The following MFSD6 variants were observed in gnomAD, a reference collection of about 807,000 sequenced individuals.
MFSD6 encodes major facilitator superfamily domain containing 6.
A neutral mutation model predicts 56.3 loss-of-function variants in MFSD6; 26 were observed. That is an observed-to-expected ratio of 0.46 (90% CI 0.34 to 0.64). The LOEUF is 0.64. Ranked by LOEUF, MFSD6 falls within the 30% of genes least tolerant of loss-of-function variation. The pLI is 0.01. For missense variants in MFSD6, 750 were observed against 986.2 expected, an observed-to-expected ratio of 0.76 and a Z score of 3.21; for synonymous variants, 331 against 366.9, an observed-to-expected ratio of 0.90 and a Z score of 1.12.
In MFSD6 at chr2:190,438,758, A is replaced by C. The variant is rs1056474054; in HGVS notation, c.1532+1197A>C. ...TGTATTTAAATCTGCTATTTCTATAAGAAATTAAAGAGGAGAAATAGACAA... is the reference window on the plus strand; with the variant it reads ...TGTATTTAAATCTGCTATTTCTATACGAAATTAAAGAGGAGAAATAGACAA... On this transcript the variant is annotated intron_variant, in intron 3 of 7. Coordinates refer to ENST00000392328, the MANE Select transcript of MFSD6 (RefSeq NM_017694.4). This position sits in a 1 kb window ranked among gnomAD's most constrained non-coding sequence, Gnocchi z 5.2. Among the ~76,000 whole-genome samples the C allele has an allele frequency of 6.6e-6, 1 of 152,254 alleles. No individual in the cohort carries two copies. The highest frequency in any genetic ancestry group is 1.5e-5 in the Non-Finnish European group (1 of 68,046).
At position 190,417,826 on chromosome 2, in the gene MFSD6, C is replaced by G. The variant is rs1690841403; in HGVS notation, c.-54+2413C>G. On this transcript the variant is annotated intron_variant, in intron 2 of 7. Coordinates refer to ENST00000392328, the MANE Select transcript of MFSD6 (RefSeq NM_017694.4). The surrounding 1 kb of genome is among the most constrained non-coding windows in gnomAD (Gnocchi z 5.7). Reference sequence around the variant, plus strand: ...TTAAGCCCCTCGTTTTCTTGACAACCCCTGTCTGAAGTATGGACACCCTAC... The same window carrying G: ...TTAAGCCCCTCGTTTTCTTGACAACGCCTGTCTGAAGTATGGACACCCTAC... Among the ~76,000 whole-genome samples the G allele has an allele frequency of 6.6e-6, 1 of 152,068 alleles. No individual in the cohort carries two copies. Among genetic ancestry groups the G allele is most frequent in the Admixed American group, 6.6e-5 (1 of 15,266 alleles).
In MFSD6 at chr2:190,439,793, T is replaced by C. The variant is rs757062814; in HGVS notation, c.1532+2232T>C. The stretch of plus-strand genomic sequence containing the variant: ...TGTGGTCATTTACCTGTTTTGAATT[T>C]TCATTCTGTCCATTAAAATGTATTA... On this transcript the variant is annotated intron_variant, in intron 3 of 7. Coordinates refer to ENST00000392328, the MANE Select transcript of MFSD6 (RefSeq NM_017694.4). This position sits in a 1 kb window ranked among gnomAD's most constrained non-coding sequence, Gnocchi z 5.8. Among the ~76,000 whole-genome samples, 25 of 152,366 alleles carry C rather than the reference T, an allele frequency of 1.6e-4. No homozygotes were observed. The highest frequency in any genetic ancestry group is 2.9e-4 in the Non-Finnish European group (20 of 68,038).
Position 190,497,337 on chromosome 2 carries a change from G to A in MFSD6, c.1892-102G>A. 7.6e-7 allele frequency: 1 copy of A among 1,315,116 alleles called. No individual in the cohort carries two copies. The highest frequency in any genetic ancestry group is 1.0e-6 in the Non-Finnish European group (1 of 961,982). The allele number at this position is 1,315,116 out of a possible 1,614,324, so 81.5% of individuals were successfully genotyped here. A position where few individuals can be genotyped will look rare whatever the true frequency, so the allele number is the denominator to read the frequency against. ...ATTTATTAATATTATCAAGCACTCTGGAATGGGTATATGGGATTCTTGGTT... is the reference window on the plus strand; with the variant it reads ...ATTTATTAATATTATCAAGCACTCTAGAATGGGTATATGGGATTCTTGGTT... On this transcript the variant is annotated intron_variant, in intron 6 of 7. Coordinates refer to ENST00000392328, the MANE Select transcript of MFSD6 (RefSeq NM_017694.4). This position sits in a 1 kb window ranked among gnomAD's most constrained non-coding sequence, Gnocchi z 5.2.
Position 190,497,478 on chromosome 2 carries a change from G to A in MFSD6, c.1931G>A (p.Ser644Asn). ...MLAERIPVPS[S>N]PVPIATIDLV... is the part of the protein sequence containing the mutation. ...GCAGAAAGAATTCCTGTTCCCTCCA[G>A]TCCCGTTCCTATAGCAACCATCGAC... The change falls in exon 7 of 8, where the codon AGT becomes AAT. Residue 644 changes from serine (S) to asparagine (N), a missense_variant. By Grantham distance (46) the Ser-to-Asn change is conservative (BLOSUM62 1). Transcript: ENST00000392328. The surrounding 1 kb of genome is among the most constrained non-coding windows in gnomAD (Gnocchi z 5.2). 6.2e-7 allele frequency: 1 copy of A among 1,614,126 alleles called. No individual in the cohort carries two copies. Among genetic ancestry groups the A allele is most frequent in the Non-Finnish European group, 8.5e-7 (1 of 1,180,016 alleles).
chr2:190,476,619 A>T (rs992660785), intron 4 of MFSD6, among the ~76,000 whole-genome samples: 1 of 152,118 alleles, frequency 6.6e-6, no homozygotes, highest in Non-Finnish European at 1.5e-5. Context: ...CTGTAAACTA[A>T]TTCAACCATT....
rs1206414670 is a variant in MFSD6, at chr2:190,413,170, A to C, written c.-175-2122A>C. Among the ~76,000 whole-genome samples the C allele has an allele frequency of 6.6e-6, 1 of 152,106 alleles. No homozygotes were observed. Among genetic ancestry groups the C allele is most frequent in the African/African-American group, 2.4e-5 (1 of 41,414 alleles). ...AAGTAGCCTCTCCCTGCCTTGATCC[A>C]TTATGATGTAAATCTAGCTGAGCCA... On this transcript the variant is annotated intron_variant, in intron 1 of 7. Transcript: ENST00000392328. The surrounding 1 kb of genome is among the most constrained non-coding windows in gnomAD (Gnocchi z 4.1).
rs1687392266 is a variant in MFSD6, at chr2:190,462,726, G to T, written c.1533-7032G>T. On this transcript the variant is annotated intron_variant, in intron 3 of 7. Coordinates refer to ENST00000392328, the MANE Select transcript of MFSD6 (RefSeq NM_017694.4). This position sits in a 1 kb window ranked among gnomAD's most constrained non-coding sequence, Gnocchi z 5.7. ...AAGGGATGATTCCTTTCAACAGTGG[G>T]ACTCTCAAAATCAGAGGTACCAGTG... 1.3e-5 allele frequency among the ~76,000 whole-genome samples: 2 copies of T among 152,152 alleles called. No homozygotes were observed. The highest frequency in any genetic ancestry group is 4.1e-4 in the South Asian group (2 of 4,822).
At position 190,416,347 on chromosome 2, in the gene MFSD6, G is replaced by A. The variant is rs1690774380; in HGVS notation, c.-54+934G>A. Reference sequence around the variant, plus strand: ...CCCTGTTAGCAAGTTGAAAGGAAATGTTAGAGAGGATTTCAGGTCCTTTCT... The same window carrying A: ...CCCTGTTAGCAAGTTGAAAGGAAATATTAGAGAGGATTTCAGGTCCTTTCT... On this transcript the variant is annotated intron_variant, in intron 2 of 7. Coordinates refer to ENST00000392328, the MANE Select transcript of MFSD6 (RefSeq NM_017694.4). This position sits in a 1 kb window ranked among gnomAD's most constrained non-coding sequence, Gnocchi z 4.1. Among the ~76,000 whole-genome samples the A allele has an allele frequency of 6.6e-6, 1 of 152,162 alleles. No individual in the cohort carries two copies. Among genetic ancestry groups the A allele is most frequent in the African/African-American group, 2.4e-5 (1 of 41,422 alleles).
At position 190,458,340 on chromosome 2, in the gene MFSD6, A is replaced by G. The variant is rs527367708; in HGVS notation, c.1533-11418A>G. 1.2e-4 allele frequency among the ~76,000 whole-genome samples: 18 copies of G among 152,112 alleles called. No individual in the cohort carries two copies. Among genetic ancestry groups the G allele is most frequent in the Non-Finnish European group, 2.4e-4 (16 of 68,020 alleles). On this transcript the variant is annotated intron_variant, in intron 3 of 7. Transcript: ENST00000392328. The surrounding 1 kb of genome is among the most constrained non-coding windows in gnomAD (Gnocchi z 5.3). ...TGTTATGAGCAGTGTCCTCGTGAGA[A>G]GAGATTGGGGCCACAGATAGGCACA... is the stretch of plus-strand genomic sequence containing the variant.
At chr2:190,411,164 T>G (rs932229243) in intron 1 of MFSD6, 301 of 925,328 alleles carry the variant, frequency 3.3e-4, no homozygotes, top group Non-Finnish European at 3.6e-4. Context: ...GACAGTAGTT[T>G]TTTTTTTTTT....
rs1430379215 is a variant in MFSD6 at position 190,467,952 on chromosome 2, T to C, written c.1533-1806T>C. On this transcript the variant is annotated intron_variant, in intron 3 of 7. Transcript: ENST00000392328. The surrounding 1 kb of genome is among the most constrained non-coding windows in gnomAD (Gnocchi z 5.5). ...AGCTCGTGAAGCCTAAACTGTTTAATGTGTGGTCCTTTATAGAAAAGTGTT... is the reference window on the plus strand; with the variant it reads ...AGCTCGTGAAGCCTAAACTGTTTAACGTGTGGTCCTTTATAGAAAAGTGTT... Among the ~76,000 whole-genome samples the C allele has an allele frequency of 6.6e-6, 1 of 152,246 alleles. No homozygotes were observed. Among genetic ancestry groups the C allele is most frequent in the African/African-American group, 2.4e-5 (1 of 41,468 alleles).
chr2:190,407,706 G>A (rs1690361596), upstream of MFSD6, among the ~76,000 whole-genome samples: 1 of 152,162 alleles, frequency 6.6e-6, no homozygotes. The surrounding 1 kb of genome is among the most constrained non-coding windows in gnomAD (Gnocchi z 5.4). Flanking sequence ...GCCAGTAGCA[G>A]CTTCCTGAAA....
In MFSD6 at chr2:190,454,987, TATGTATATGTATA is replaced by T. The variant is rs767023270; in HGVS notation, c.1533-14757_1533-14745del. On this transcript the variant is annotated intron_variant, in intron 3 of 7. Coordinates refer to ENST00000392328, the MANE Select transcript of MFSD6 (RefSeq NM_017694.4). This position sits in a 1 kb window ranked among gnomAD's most constrained non-coding sequence, Gnocchi z 4.6. ...ATATGTATATGTATATGTATATGTA[TATGTATATGTATA>T]ATGTATATGTATATGTATATGTGTG... Among the ~76,000 whole-genome samples the T allele has an allele frequency of 0.094, 7,616 of 81,426 alleles. 270 individuals are homozygous for T. The highest frequency in any genetic ancestry group is 0.16 in the Non-Finnish European group (4,522 of 29,072). The allele number at this position is 81,426 out of a possible 152,430, so 53.4% of individuals were successfully genotyped here.
At position 190,451,950 on chromosome 2, in the gene MFSD6, C is replaced by G. The variant is rs1380324169; in HGVS notation, c.1532+14389C>G. On this transcript the variant is annotated intron_variant, in intron 3 of 7. Coordinates refer to ENST00000392328, the MANE Select transcript of MFSD6 (RefSeq NM_017694.4). This position sits in a 1 kb window ranked among gnomAD's most constrained non-coding sequence, Gnocchi z 5.0. ...TATCTCACCCTACTTTACAAAGGTCCATTTTTCTTCATTCTCTGAGTTTTA... is the reference window on the plus strand; with the variant it reads ...TATCTCACCCTACTTTACAAAGGTCGATTTTTCTTCATTCTCTGAGTTTTA... 6.6e-6 allele frequency among the ~76,000 whole-genome samples: 1 copy of G among 152,134 alleles called. No homozygotes were observed. The highest frequency in any genetic ancestry group is 6.6e-5 in the Admixed American group (1 of 15,264).
In MFSD6 at chr2:190,491,219, A is replaced by G. The variant is rs955574720; in HGVS notation, c.1891+1353A>G. Among the ~76,000 whole-genome samples, 1 of 152,198 alleles carries G rather than the reference A, an allele frequency of 6.6e-6. No individual in the cohort carries two copies. Among genetic ancestry groups the G allele is most frequent in the African/African-American group, 2.4e-5 (1 of 41,442 alleles). Reference sequence around the variant, plus strand: ...ATGGTACTGGGTTAGTTTTTAAAATACTTGTGTTCTGGAGAGACTGTTATT... The same window carrying G: ...ATGGTACTGGGTTAGTTTTTAAAATGCTTGTGTTCTGGAGAGACTGTTATT... On this transcript the variant is annotated intron_variant, in intron 6 of 7. Transcript: ENST00000392328. This position sits in a 1 kb window ranked among gnomAD's most constrained non-coding sequence, Gnocchi z 4.2.
intron 2 of MFSD6, among the ~76,000 whole-genome samples, chr2:190,429,608 C>G (rs1204495492): frequency 6.6e-6 from 1 of 152,066 alleles, no homozygotes; most frequent in African/African-American, 2.4e-5. Context: ...AGCTACTGCA[C>G]CTAGCCAGAA....
chr2:190,463,887 C>T lies in MFSD6; in HGVS notation c.1533-5871C>T, dbSNP rs1457601082. On this transcript the variant is annotated intron_variant, in intron 3 of 7. Transcript: ENST00000392328. This position sits in a 1 kb window ranked among gnomAD's most constrained non-coding sequence, Gnocchi z 4.4. The stretch of plus-strand genomic sequence containing the variant: ...TGATGGAGCCCAATCTAAGGGCGCA[C>T]CATATACTGTCTACCATACAGAAAA... 1 of 984,390 alleles carries T rather than the reference C, an allele frequency of 1.0e-6. No homozygotes were observed. Among genetic ancestry groups the T allele is most frequent in the Non-Finnish European group, 1.2e-6 (1 of 829,178 alleles). 61.0% of individuals were successfully genotyped at this position (984,390 alleles called of 1,614,324 possible). A position where few individuals can be genotyped will look rare whatever the true frequency, so the allele number is the denominator to read the frequency against.
chr2:190,420,709 C>T (rs973444280), intron 2 of MFSD6, among the ~76,000 whole-genome samples: 8 of 152,094 alleles, frequency 5.3e-5, no homozygotes, highest in Non-Finnish European at 1.2e-4. Context: ...CTTTTTGTCC[C>T]TGATCCTGTG....
At chr2:190,475,744 G>A (rs1312992069) in intron 4 of MFSD6, among the ~76,000 whole-genome samples, 5 of 152,198 alleles carry the variant, frequency 3.3e-5, no homozygotes, top group South Asian at 2.1e-4. Context: ...AAAAGAGCCC[G>A]CATTGCCAAG....
Sources: allele counts gnomAD v4.1 joint callset (sites outside exome capture counted in the v4.1 genomes callset), GRCh38; gene constraint gnomAD v4.1.1; non-coding constraint Gnocchi (gnomAD v3.1); transcripts MANE v1.5; gene names NCBI Gene and HGNC (gene_info 2026-07-23, HGNC 2026-07-21).